MFN1: variants seen among roughly 807,000 people sequenced by gnomAD.
The protein encoded by MFN1 is mitofusin-1.
A neutral mutation model predicts 92.4 loss-of-function variants in MFN1; 65 were observed. That is an observed-to-expected ratio of 0.70 (90% CI 0.58 to 0.86). The LOEUF (loss-of-function observed/expected upper bound fraction) is 0.86. Ranked by LOEUF, MFN1 falls within the 40% of genes least tolerant of loss-of-function variation. MFN1 has a pLI of 0.00. For synonymous variants in MFN1, 297 were observed against 300.9 expected (o/e 0.99, Z 0.13); for missense variants, 781 against 868.0 (o/e 0.90, Z 1.26).
At position 179,378,752 on chromosome 3, in the gene MFN1, C is replaced by G. The variant is rs1272208650; in HGVS notation, c.1600C>G (p.Arg534Gly). Residue 534 changes from arginine (R) to glycine (G), a missense_variant, in exon 14 of 18, where the codon CGA (arginine) becomes GGA (glycine). Transcript: ENST00000471841. ...CCTGGGCTGGTCTTCCCTTGTACAT[C>G]GATTTTTGGGCCCTAGAAATGCTCA... ...FSLGWSSLVH[R>G]FLGPRNAQRV... The G allele has an allele frequency of 6.2e-7, 1 of 1,613,828 alleles. No homozygotes were observed. The highest frequency in any genetic ancestry group is 1.3e-5 in the African/African-American group (1 of 74,854).
chr3:179,361,016 C>G (rs758744670), intron 4 of MFN1, among the ~76,000 whole-genome samples: 3 of 151,862 alleles, frequency 2.0e-5, no homozygotes, highest in Non-Finnish European at 4.4e-5. Flanking sequence ...CCCAGCTACC[C>G]GAGTGGCTGA....
chr3:179,388,950 G>C (rs755675998), intron 16 of MFN1, among the ~76,000 whole-genome samples: 4 of 151,406 alleles, frequency 2.6e-5, no homozygotes, highest in Admixed American at 6.6e-5. Flanking sequence ...TGGATAATTA[G>C]GAATTCCGAG....
chr3:179,374,339 TATATATAAC>T (rs1157603991), intron 9 of MFN1, among the ~76,000 whole-genome samples: 151 of 142,590 alleles, frequency 1.1e-3, no homozygotes, highest in African/African-American at 3.6e-3. Context: ...ATATGTAATA[TATATATAAC>T]ATATATAACA....
At chr3:179,371,710 A>G (rs1011911366) in intron 9 of MFN1, among the ~76,000 whole-genome samples, 18 of 152,346 alleles carry the variant, frequency 1.2e-4, no homozygotes, top group African/African-American at 3.8e-4. Context: ...AGATAGACGT[A>G]TAAAAATAAC....
At chr3:179,376,808 T>C (rs142000122) in intron 10 of MFN1, 2 of 323,450 alleles carry the variant, frequency 6.2e-6, no homozygotes, top group South Asian at 6.5e-5. Flanking sequence ...AGAATTCTTA[T>C]TCATCCTTTC....
intron 3 of MFN1, among the ~76,000 whole-genome samples, chr3:179,353,998 C>T (rs1054502380): frequency 6.6e-6 from 1 of 152,214 alleles, no homozygotes; most frequent in Non-Finnish European, 1.5e-5. Context: ...TAATGTCTTT[C>T]AACACTTTTC....
rs1714008142 is a variant in MFN1, at chr3:179,394,225, G to C, written c.*2166G>C. 6.6e-6 allele frequency: 1 copy of C among 152,124 alleles called. No individual in the cohort carries two copies. Among genetic ancestry groups the C allele is most frequent in the Non-Finnish European group, 1.5e-5 (1 of 68,056 alleles). The allele number at this position is 152,124 out of a possible 1,614,324, so 9.4% of individuals were successfully genotyped here. A position where few individuals can be genotyped will look rare whatever the true frequency, so the allele number is the denominator to read the frequency against. On this transcript the variant is annotated 3_prime_UTR_variant, in exon 18 of 18. Coordinates refer to ENST00000471841, the MANE Select transcript of MFN1 (RefSeq NM_033540.3). ...ACCTATGGAGTCAGACAGTAGGTTT[G>C]AGGCCCAGCAATCTATGGTTTAACA...
At chr3:179,387,946 A>G (rs1713755787) in intron 16 of MFN1, among the ~76,000 whole-genome samples, 1 of 151,722 alleles carries the variant, frequency 6.6e-6, no homozygotes, top group Non-Finnish European at 1.5e-5. Flanking sequence ...GTTGGCCAGG[A>G]TGGTCTCAAT....
chr3:179,380,695 C>G (rs944586100), intron 14 of MFN1, among the ~76,000 whole-genome samples: 3 of 152,098 alleles, frequency 2.0e-5, no homozygotes, highest in East Asian at 1.9e-4. Context: ...ATACAAAAAC[C>G]TTTTTTGGGC....
chr3:179,354,998 T>C (rs1378502393), intron 3 of MFN1, among the ~76,000 whole-genome samples: 2 of 152,128 alleles, frequency 1.3e-5, no homozygotes, highest in African/African-American at 4.8e-5. Context: ...GATTTCACCA[T>C]GTTGGCCAGC....
rs1327416654 is a variant in MFN1 at position 179,378,440 on chromosome 3, A to G, written c.1429A>G (p.Ile477Val). Residue 477 changes from isoleucine to valine, a missense_variant, in exon 13 of 18, where the codon ATT becomes GTT. Physicochemically the swap from Ile to Val is conservative, Grantham distance 29 (BLOSUM62 3). Transcript: ENST00000471841. Reference protein sequence around the residue: ...ALVLQTQQEIIENLKPLLPAG... With the variant: ...ALVLQTQQEIVENLKPLLPAG... ...AGTGCTTCAGACCCAGCAAGAAATT[A>G]TTGGTAATATTTATGTCTACAAGGT... 1 of 1,588,958 alleles carries G rather than the reference A, an allele frequency of 6.3e-7. No homozygotes were observed. Among genetic ancestry groups the G allele is most frequent in the Non-Finnish European group, 8.5e-7 (1 of 1,172,394 alleles).
At chr3:179,389,517 AT>A (rs1334678128) in intron 16 of MFN1, among the ~76,000 whole-genome samples, 1 of 152,186 alleles carries the variant, frequency 6.6e-6, no homozygotes, top group Non-Finnish European at 1.5e-5. Context: ...TCTGTCTGAG[AT>A]TTGGTGGAAT....
intron 14 of MFN1, among the ~76,000 whole-genome samples, chr3:179,383,148 C>T (rs1297124730): frequency 6.6e-6 from 1 of 152,162 alleles, no homozygotes. Context: ...TTGCCCATGC[C>T]TGTGTCCTGA....
At chr3:179,384,735 G>A (rs1292324812) in intron 14 of MFN1, among the ~76,000 whole-genome samples, 1 of 152,050 alleles carries the variant, frequency 6.6e-6, no homozygotes, top group Admixed American at 6.6e-5. Context: ...AGGTCTCACT[G>A]TGCTGTGCTG....
At chr3:179,389,746 G>C (rs1490118176) in intron 16 of MFN1, among the ~76,000 whole-genome samples, 1 of 151,936 alleles carries the variant, frequency 6.6e-6, no homozygotes, top group African/African-American at 2.4e-5. Context: ...TTGTGCTTCT[G>C]AAGAAACACA....
chr3:179,364,490 A>ATGGATT, intron 6 of MFN1, 85 bp downstream of exon 6: 4 of 1,079,636 alleles, frequency 3.7e-6, no homozygotes, highest in Non-Finnish European at 4.1e-6. Flanking sequence ...GGAAATCCAT[A>ATGGATT]TCGTGGATTA....
At chr3:179,357,996 T>A (rs1712409179) in intron 3 of MFN1, among the ~76,000 whole-genome samples, 1 of 152,056 alleles carries the variant, frequency 6.6e-6, no homozygotes, top group Non-Finnish European at 1.5e-5. Flanking sequence ...GAGCTCTCCA[T>A]TTAGCTTGAC....
At chr3:179,366,928 A>T (rs537685475) in intron 7 of MFN1, among the ~76,000 whole-genome samples, 4 of 151,894 alleles carry the variant, frequency 2.6e-5, no homozygotes, top group African/African-American at 9.7e-5. Context: ...TAACTCCCCA[A>T]CCTTAACTTT....
At chr3:179,375,851 C>T (rs1713218722) in intron 10 of MFN1, among the ~76,000 whole-genome samples, 2 of 152,090 alleles carry the variant, frequency 1.3e-5, no homozygotes, top group African/African-American at 2.4e-5. Flanking sequence ...TTATACTGTA[C>T]GGCATTATTT....
Sources: allele counts gnomAD v4.1 joint callset (sites outside exome capture counted in the v4.1 genomes callset), GRCh38; gene constraint gnomAD v4.1.1; transcripts MANE v1.5; gene names NCBI Gene and HGNC (gene_info 2026-07-23, HGNC 2026-07-21).